Variants in PROS1 observed in about 807,000 individuals in gnomAD.
The protein encoded by PROS1 is vitamin K-dependent protein S.
A neutral mutation model predicts 75.9 loss-of-function variants in PROS1; 29 were observed. The ratio of observed to expected loss-of-function variants is 0.38; its 90% CI spans 0.28 to 0.52. PROS1 has a LOEUF of 0.52. Among genes scored for constraint, PROS1 ranks in the 20% least tolerant of loss-of-function variants. The pLI, the probability that PROS1 is intolerant of heterozygous loss-of-function variation, is 0.83. For synonymous variants in PROS1, 245 were observed against 280.6 expected, an observed-to-expected ratio of 0.87 and a Z score of 1.27; for missense variants, 680 against 810.3, an observed-to-expected ratio of 0.84 and a Z score of 1.95.
At chr3:93,885,233 G>T (rs1163629240) in intron 11 of PROS1, among the ~76,000 whole-genome samples, 1 of 152,048 alleles carries the variant, frequency 6.6e-6, no homozygotes, top group Non-Finnish European at 1.5e-5. Flanking sequence ...AAGTTGTCTT[G>T]TTTATCTTCT....
At chr3:93,915,249 T>A (rs1033848515) in intron 3 of PROS1, among the ~76,000 whole-genome samples, 17 of 152,152 alleles carry the variant, frequency 1.1e-4, no homozygotes, top group Non-Finnish European at 1.9e-4. Flanking sequence ...TGCAGATCAC[T>A]TAAGGTAAGG....
chr3:93,931,849 A>T (rs1417539539), intron 1 of PROS1, among the ~76,000 whole-genome samples: 1 of 152,248 alleles, frequency 6.6e-6, no homozygotes, highest in African/African-American at 2.4e-5. Context: ...CTGCTCTTGC[A>T]CAACTGCCAT....
At chr3:93,954,085 A>C (rs958906396) in intron 1 of PROS1, among the ~76,000 whole-genome samples, 5 of 152,058 alleles carry the variant, frequency 3.3e-5, no homozygotes, top group African/African-American at 9.7e-5. Flanking sequence ...GACACACAAA[A>C]AAATGGAAGA....
At chr3:93,899,731 T>A (rs1185288187) in intron 7 of PROS1, among the ~76,000 whole-genome samples, 8 of 152,244 alleles carry the variant, frequency 5.3e-5, no homozygotes, top group African/African-American at 1.9e-4. Flanking sequence ...TTTAGGCAAC[T>A]TCATAGAGAC....
intron 1 of PROS1, chr3:93,928,576 T>C: frequency 3.8e-6 from 1 of 262,790 alleles, no homozygotes; most frequent in Non-Finnish European, 7.4e-6. Context: ...AAAGCAAGAG[T>C]AATAAACTTT....
At chr3:93,914,626 G>A (rs540640269) in intron 3 of PROS1, among the ~76,000 whole-genome samples, 10 of 152,206 alleles carry the variant, frequency 6.6e-5, no homozygotes, top group South Asian at 6.2e-4. Flanking sequence ...GAGGTCTTTC[G>A]CCCATTGTTT....
intron 10 of PROS1, among the ~76,000 whole-genome samples, chr3:93,887,969 T>A (rs943017709): frequency 6.6e-6 from 1 of 152,220 alleles, no homozygotes; most frequent in Non-Finnish European, 1.5e-5. Flanking sequence ...GCAGAATTAA[T>A]AATAATAAGT....
At position 93,892,355 on chromosome 3, in the gene PROS1, T is replaced by C. The variant is rs1274715541; in HGVS notation, c.1155+578A>G. Reference sequence around the variant, plus strand: ...AAAAAAAAAAATATGCTAGCCGCGGTGGCTCACATCTGTAATCCCAGGACT... The same window carrying C: ...AAAAAAAAAAATATGCTAGCCGCGGCGGCTCACATCTGTAATCCCAGGACT... On this transcript the variant is annotated intron_variant, in intron 10 of 14. Coordinates refer to ENST00000394236, the MANE Select transcript of PROS1 (RefSeq NM_000313.4). Among the ~76,000 whole-genome samples, 3 of 148,204 alleles carry C rather than the reference T, an allele frequency of 2.0e-5. No homozygotes were observed. In the Admixed American group the frequency reaches 2.0e-4, roughly 10 times the overall value.
At chr3:93,913,880 A>G (rs557652060) in intron 3 of PROS1, among the ~76,000 whole-genome samples, 2 of 152,370 alleles carry the variant, frequency 1.3e-5, no homozygotes, top group East Asian at 3.9e-4. Flanking sequence ...CAATGAGATA[A>G]GCATGATAGA....
chr3:93,927,913 GTA>G (rs1196387935), intron 1 of PROS1, among the ~76,000 whole-genome samples: 157 of 128,334 alleles, frequency 1.2e-3, no homozygotes, highest in African/African-American at 3.4e-3. Flanking sequence ...GTGTGTGTGT[GTA>G]TATATATATG....
chr3:93,885,695 T>C (rs1484601473), intron 11 of PROS1, among the ~76,000 whole-genome samples: 1 of 152,212 alleles, frequency 6.6e-6, no homozygotes, highest in Non-Finnish European at 1.5e-5. Context: ...AATAATTTAT[T>C]TTACTTTTAA....
chr3:93,908,089 A>G (rs1708703358), intron 4 of PROS1, among the ~76,000 whole-genome samples: 1 of 152,198 alleles, frequency 6.6e-6, no homozygotes, highest in South Asian at 2.1e-4. Context: ...CAGAGGCTGC[A>G]GTAAGCTGAG....
chr3:93,905,741 C>G (rs183141432), intron 6 of PROS1, 43 bp downstream of exon 6: 2 of 1,595,578 alleles, frequency 1.3e-6, no homozygotes, highest in Non-Finnish European at 8.6e-7. Context: ...TGGGATTATT[C>G]TCACATAGTA....
chr3:93,895,525 T>C (rs550770465), intron 9 of PROS1, among the ~76,000 whole-genome samples: 1 of 152,252 alleles, frequency 6.6e-6, no homozygotes, highest in Non-Finnish European at 1.5e-5. Flanking sequence ...AGTTGAATTA[T>C]TTAATGAATA....
intron 10 of PROS1, among the ~76,000 whole-genome samples, chr3:93,886,910 C>CTTTTTT (rs1297839394): frequency 6.1e-5 from 8 of 130,586 alleles, no homozygotes; most frequent in African/African-American, 1.7e-4. Context: ...TAAATAAGTT[C>CTTTTTT]TTTTTTTTTT....
intron 13 of PROS1, among the ~76,000 whole-genome samples, chr3:93,878,284 CA>C (rs1402812836): frequency 6.6e-6 from 1 of 151,796 alleles, no homozygotes; most frequent in Non-Finnish European, 1.5e-5. Context: ...GAGATTAAAA[CA>C]AAAACAAAAA....
intron 6 of PROS1, among the ~76,000 whole-genome samples, chr3:93,902,092 A>C: frequency 6.6e-6 from 1 of 152,082 alleles, no homozygotes; most frequent in Non-Finnish European, 1.5e-5. Context: ...GTTCGAGACC[A>C]GCCTGAGCAA....
chr3:93,935,171 C>T (rs927754034), intron 1 of PROS1, among the ~76,000 whole-genome samples: 1 of 152,106 alleles, frequency 6.6e-6, no homozygotes, highest in African/African-American at 2.4e-5. Flanking sequence ...GATTCAAGAG[C>T]TCAGATGTTG....
intron 1 of PROS1, among the ~76,000 whole-genome samples, chr3:93,963,968 G>A (rs997467642): frequency 6.6e-5 from 10 of 152,140 alleles, no homozygotes; most frequent in Non-Finnish European, 8.8e-5. Context: ...CACAGCAGAG[G>A]AACATGAATT....
Sources: gnomAD v4.1 joint callset for allele counts (sites outside exome capture counted in the v4.1 genomes callset) on GRCh38, gnomAD v4.1.1 for gene constraint, MANE v1.5 for transcripts, NCBI Gene and HGNC (gene_info 2026-07-23, HGNC 2026-07-21) for gene names.